Variants in SOX6 observed in about 807,000 individuals in gnomAD.
SOX6 encodes SRY-box transcription factor 6.
A neutral mutation model predicts 97.8 loss-of-function variants in SOX6; 11 were observed. The observed-to-expected ratio is 0.11, with a 90% CI of 0.07 to 0.19. The LOEUF (loss-of-function observed/expected upper bound fraction) is 0.19, where lower values mean the gene tolerates loss of function less well. Ranked by LOEUF, SOX6 falls within the 10% of genes least tolerant of loss-of-function variation. The probability of loss-of-function intolerance (pLI) is 1.00; values close to 1 mark genes in which losing one functional copy is unlikely to be tolerated. For missense variants in SOX6, 810 were observed against 1,039.5 expected (o/e 0.78, Z 3.04); for synonymous variants, 360 against 371.4 (o/e 0.97, Z 0.35).
At chr11:16,107,435 A>G (rs1466386347) in intron 7 of SOX6, among the ~76,000 whole-genome samples, 1 of 147,808 alleles carries the variant, frequency 6.8e-6, no homozygotes, top group Admixed American at 6.8e-5. Flanking sequence ...ATACATATAT[A>G]TACACAATTG....
chr11:16,304,798 G>C (rs1025559330), intron 3 of SOX6, among the ~76,000 whole-genome samples: 2 of 151,990 alleles, frequency 1.3e-5, no homozygotes, highest in Non-Finnish European at 2.9e-5. Flanking sequence ...CACGTGATTT[G>C]CAAAGCAATT....
intron 4 of SOX6, among the ~76,000 whole-genome samples, chr11:16,486,329 T>A (rs77984915): frequency 6.6e-6 from 1 of 152,174 alleles, no homozygotes. Context: ...TCTCCTTTAT[T>A]CCTTCATGCC....
intron 6 of SOX6, among the ~76,000 whole-genome samples, chr11:16,143,820 C>A (rs1041679496): frequency 1.3e-5 from 2 of 152,184 alleles, no homozygotes; most frequent in Non-Finnish European, 2.9e-5. Flanking sequence ...AATACATATG[C>A]ACCCAATACA....
intron 6 of SOX6, among the ~76,000 whole-genome samples, chr11:16,176,059 A>AGATG: frequency 1.6e-5 from 2 of 125,972 alleles, no homozygotes; most frequent in East Asian, 4.5e-4. Context: ...ATGGACGGAC[A>AGATG]GACGGACGGA....
At chr11:16,158,097 G>C (rs1466247740) in intron 6 of SOX6, among the ~76,000 whole-genome samples, 1 of 151,908 alleles carries the variant, frequency 6.6e-6, no homozygotes, top group Non-Finnish European at 1.5e-5. Context: ...CCAAAGACTA[G>C]TAGAAATTTA....
At chr11:16,389,986 AAAAAAAAAAAG>A (rs1254011618) in intron 1 of SOX6, among the ~76,000 whole-genome samples, 2 of 147,438 alleles carry the variant, frequency 1.4e-5, no homozygotes, top group East Asian at 2.0e-4. Flanking sequence ...AAAAAAAAAA[AAAAAAAAAAAG>A]AAGCTTACTT....
intron 4 of SOX6, among the ~76,000 whole-genome samples, chr11:16,217,255 T>G (rs1260513111): frequency 2.0e-5 from 3 of 152,160 alleles, no homozygotes; most frequent in African/African-American, 7.2e-5. Flanking sequence ...CTTTGTATAC[T>G]TTACTGTCTC....
intron 4 of SOX6, among the ~76,000 whole-genome samples, chr11:16,517,469 T>C (rs929916996): frequency 1.3e-5 from 2 of 152,228 alleles, no homozygotes; most frequent in African/African-American, 4.8e-5. Flanking sequence ...AATGTGATGA[T>C]AGAATGAAAA....
At chr11:16,526,169 A>G (rs1444619296) in intron 4 of SOX6, among the ~76,000 whole-genome samples, 3 of 152,210 alleles carry the variant, frequency 2.0e-5, no homozygotes, top group Admixed American at 6.5e-5. Flanking sequence ...ATGCTGCTAT[A>G]AAGACACATG....
chr11:16,696,768 T>A (rs961316753), intron 3 of SOX6, among the ~76,000 whole-genome samples: 5 of 152,164 alleles, frequency 3.3e-5, no homozygotes, highest in African/African-American at 4.8e-5. Context: ...TGGGTGATAG[T>A]TGCTGAAGGC....
intron 3 of SOX6, among the ~76,000 whole-genome samples, chr11:16,279,818 G>C (rs1854501315): frequency 6.6e-6 from 1 of 152,018 alleles, no homozygotes; most frequent in South Asian, 2.1e-4. Context: ...AAAAGTGCCA[G>C]CTTAGTTAAT....
chr11:16,177,900 G>A (rs1204020357), intron 6 of SOX6, among the ~76,000 whole-genome samples: 1 of 151,948 alleles, frequency 6.6e-6, no homozygotes, highest in East Asian at 1.9e-4. Context: ...AGCAGAGACT[G>A]GTTTCCCTGA....
chr11:16,105,072 C>T (rs1295892905), intron 7 of SOX6, among the ~76,000 whole-genome samples: 2 of 151,780 alleles, frequency 1.3e-5, no homozygotes, highest in Non-Finnish European at 2.9e-5. Context: ...ATACCAAAAC[C>T]AGATAAAGAT....
intron 1 of SOX6, among the ~76,000 whole-genome samples, chr11:16,443,550 T>A (rs536191860): frequency 4.6e-5 from 7 of 152,290 alleles, no homozygotes; most frequent in African/African-American, 7.2e-5. Context: ...TTTTCTTTTT[T>A]AAAAAATTCT....
chr11:16,164,691 T>C (rs1033372465), intron 6 of SOX6, among the ~76,000 whole-genome samples: 1 of 151,672 alleles, frequency 6.6e-6, no homozygotes, highest in East Asian at 1.9e-4. Context: ...GGGGTAGTGG[T>C]GTGCACCTGT....
chr11:16,412,471 T>TA (rs1858840758), intron 1 of SOX6, among the ~76,000 whole-genome samples: 1 of 152,162 alleles, frequency 6.6e-6, no homozygotes, highest in African/African-American at 2.4e-5. Context: ...TAGCTTTTTT[T>TA]ATTAAAAAAA....
intron 4 of SOX6, among the ~76,000 whole-genome samples, chr11:16,511,670 C>T (rs1486584797): frequency 6.6e-6 from 1 of 152,082 alleles, no homozygotes; most frequent in Non-Finnish European, 1.5e-5. Flanking sequence ...AGCAAGGTGA[C>T]TCAGTCAAAC....
intron 4 of SOX6, among the ~76,000 whole-genome samples, chr11:16,482,655 GTTCT>G (rs1860363057): frequency 6.6e-6 from 1 of 151,306 alleles, no homozygotes; most frequent in African/African-American, 2.4e-5. Flanking sequence ...TTTGTTAGTT[GTTCT>G]TTCAAGTAAA....
intron 4 of SOX6, among the ~76,000 whole-genome samples, chr11:16,514,256 C>CATGTACATA (rs899818578): frequency 4.6e-5 from 7 of 150,598 alleles, no homozygotes; most frequent in African/African-American, 1.7e-4. Context: ...ATAATACCAC[C>CATGTACATA]ATGTACATAT....
Sources: gnomAD v4.1 joint callset for allele counts (sites outside exome capture counted in the v4.1 genomes callset) on GRCh38, gnomAD v4.1.1 for gene constraint, MANE v1.5 for transcripts, NCBI Gene and HGNC (gene_info 2026-07-23, HGNC 2026-07-21) for gene names.